The following XIRP2 variants were observed in gnomAD, a reference collection of about 807,000 sequenced individuals.
XIRP2 encodes xin actin-binding repeat-containing protein 2.
A neutral mutation model predicts 277.0 loss-of-function variants in XIRP2; 236 were observed. The ratio of observed to expected loss-of-function variants is 0.85; its 90% CI spans 0.77 to 0.95. The LOEUF is 0.95. Ranked by LOEUF, XIRP2 falls within the 40% of genes least tolerant of loss-of-function variation. XIRP2 has a pLI of 0.00. For synonymous variants in XIRP2, 1,490 were observed against 1,416.5 expected (o/e 1.05, Z -1.17); for missense variants, 4,640 against 4,157.5 (o/e 1.12, Z -3.19).
At chr2:167,088,268 C>A (rs1690023891) in intron 2 of XIRP2, among the ~76,000 whole-genome samples, 1 of 152,086 alleles carries the variant, frequency 6.6e-6, no homozygotes, top group Non-Finnish European at 1.5e-5. Flanking sequence ...AGTAATTTTT[C>A]ATTATCTTTT....
Position 167,065,503 on chromosome 2 carries a change from T to A in XIRP2, c.409-70406T>A, listed in dbSNP as rs151156299. Among the ~76,000 whole-genome samples, 694 of 151,484 alleles carry A rather than the reference T, an allele frequency of 4.6e-3. 6 individuals carry two copies. The highest frequency in any genetic ancestry group is 0.024 in the Middle Eastern group (7 of 294). On this transcript the variant is annotated intron_variant, in intron 2 of 10. Transcript: ENST00000409195. ...TGACTGTATCCTTTGAAACACAAACTTTTTTTTTATTCCAGTGTAGTCAAA... is the reference window on the plus strand; with the variant it reads ...TGACTGTATCCTTTGAAACACAAACATTTTTTTTATTCCAGTGTAGTCAAA...
chr2:166,940,497 G>T lies in XIRP2; in HGVS notation c.408+36607G>T, dbSNP rs376443090. 4.6e-5 allele frequency among the ~76,000 whole-genome samples: 7 copies of T among 152,310 alleles called. No individual in the cohort carries two copies. In the East Asian group the frequency reaches 1.2e-3, roughly 25 times the overall value. On this transcript the variant is annotated intron_variant, in intron 2 of 10. Transcript: ENST00000409195. Reference sequence around the variant, plus strand: ...TGTTCTGTTGCTGGCGAGGAGCTGTGTTCCTTTGGAGGTGGAGAGTCACTC... The same window carrying T: ...TGTTCTGTTGCTGGCGAGGAGCTGTTTTCCTTTGGAGGTGGAGAGTCACTC...
At chr2:167,068,560 C>A (rs942882601) in intron 2 of XIRP2, among the ~76,000 whole-genome samples, 10 of 151,896 alleles carry the variant, frequency 6.6e-5, no homozygotes, top group African/African-American at 2.4e-4. Flanking sequence ...ATAGTAAATA[C>A]CTTAGGCTTT....
At chr2:167,218,068 C>T in intron 4 of XIRP2, 98 bp from the exon 5 acceptor site, 1 of 1,034,702 alleles carries the variant, frequency 9.7e-7, no homozygotes, top group Non-Finnish European at 1.3e-6. Context: ...TTTTAAGATA[C>T]TGTCTATCAA....
intron 2 of XIRP2, among the ~76,000 whole-genome samples, chr2:166,980,709 T>C (rs552593914): frequency 6.6e-6 from 1 of 152,260 alleles, no homozygotes; most frequent in Non-Finnish European, 1.5e-5. Flanking sequence ...TGAGCCACCA[T>C]GCCCAGTCAC....
chr2:167,110,824 G>GT (rs1690731078), intron 2 of XIRP2, among the ~76,000 whole-genome samples: 1 of 151,960 alleles, frequency 6.6e-6, no homozygotes, highest in African/African-American at 2.4e-5. Flanking sequence ...TTTTCCATTT[G>GT]TTTGTATCAT....
At chr2:166,941,501 T>C (rs1685716512) in intron 2 of XIRP2, among the ~76,000 whole-genome samples, 1 of 152,170 alleles carries the variant, frequency 6.6e-6, no homozygotes, top group African/African-American at 2.4e-5. Context: ...AGTACCTCAG[T>C]TGGAAATACA....
chr2:167,057,461 A>G (rs576086362), intron 2 of XIRP2, among the ~76,000 whole-genome samples: 16 of 152,338 alleles, frequency 1.1e-4, no homozygotes, highest in African/African-American at 3.6e-4. Flanking sequence ...TGGCAGACAT[A>G]GAATGCTGAG....
chr2:167,203,701 G>C (rs115772710), intron 3 of XIRP2, among the ~76,000 whole-genome samples: 6,264 of 152,162 alleles, frequency 0.041, 145 homozygotes, highest in Non-Finnish European at 0.051. Context: ...ATGAGGATAA[G>C]AATATATAAA....
At chr2:167,130,453 C>T (rs1691340669) in intron 2 of XIRP2, among the ~76,000 whole-genome samples, 1 of 152,058 alleles carries the variant, frequency 6.6e-6, no homozygotes, top group African/African-American at 2.4e-5. Context: ...ATAACTTTCC[C>T]CCTACCCTAG....
chr2:166,955,604 T>C (rs1686141635), intron 2 of XIRP2, among the ~76,000 whole-genome samples: 1 of 151,880 alleles, frequency 6.6e-6, no homozygotes, highest in African/African-American at 2.4e-5. Flanking sequence ...CTTATATATT[T>C]AAAAATTATC....
intron 3 of XIRP2, among the ~76,000 whole-genome samples, chr2:167,196,412 T>TGAATTTTGTG (rs1553498347): frequency 7.1e-6 from 1 of 141,810 alleles, no homozygotes; most frequent in Non-Finnish European, 1.5e-5. Context: ...GTCAAGAATT[T>TGAATTTTGTG]TGTGTGTGTG....
intron 2 of XIRP2, among the ~76,000 whole-genome samples, chr2:167,026,653 G>A (rs1385643134): frequency 6.6e-6 from 1 of 152,098 alleles, no homozygotes. Flanking sequence ...AGGCCTGGTG[G>A]TGAGAAAATC....
intron 2 of XIRP2, among the ~76,000 whole-genome samples, chr2:167,041,038 A>G (rs569237603): frequency 6.6e-6 from 1 of 152,088 alleles, no homozygotes; most frequent in Admixed American, 6.6e-5. Flanking sequence ...CAGATCAGGA[A>G]CTCTCAGCCC....
intron 5 of XIRP2, among the ~76,000 whole-genome samples, chr2:167,228,646 C>T (rs1384758729): frequency 6.6e-6 from 1 of 152,056 alleles, no homozygotes; most frequent in African/African-American, 2.4e-5. Flanking sequence ...CCGTTTTTCT[C>T]AGGAAGTCAG....
chr2:167,254,103 G>A lies in XIRP2; in HGVS notation c.10627G>A (p.Gly3543Ser). The A allele has an allele frequency of 1.2e-6, 2 of 1,610,866 alleles. No individual in the cohort carries two copies. Among genetic ancestry groups the A allele is most frequent in the Non-Finnish European group, 1.7e-6 (2 of 1,178,266 alleles). Reference sequence around the variant, plus strand: ...CAGTTTATCCAATGGAGTGCCTAGTGGCAGACAAGCAGAATTTTCATAAGT... The same window carrying A: ...CAGTTTATCCAATGGAGTGCCTAGTAGCAGACAAGCAGAATTTTCATAAGT... ...KDSLSNGVPSGRQAEFS is the reference protein window; with the variant it reads ...KDSLSNGVPSSRQAEFS Residue 3543 changes from glycine to serine, a missense_variant, in exon 10 of 11, where the codon GGC (glycine) becomes AGC (serine). Gly to Ser is a moderately conservative substitution (Grantham distance 56). Transcript: ENST00000409195.
intron 2 of XIRP2, among the ~76,000 whole-genome samples, chr2:167,001,935 CAT>C (rs1476557735): frequency 6.6e-6 from 1 of 151,980 alleles, no homozygotes; most frequent in African/African-American, 2.4e-5. Context: ...TTTCAACAAA[CAT>C]AGGAAAAATT....
intron 3 of XIRP2, among the ~76,000 whole-genome samples, chr2:167,186,806 T>G (rs895198883): frequency 1.1e-4 from 14 of 127,624 alleles, no homozygotes; most frequent in African/African-American, 4.4e-4. Context: ...TTCTTCCTTG[T>G]TTTTTTTTTT....
At chr2:167,237,026 A>G (rs1694920150) in intron 5 of XIRP2, among the ~76,000 whole-genome samples, 1 of 152,172 alleles carries the variant, frequency 6.6e-6, no homozygotes, top group Non-Finnish European at 1.5e-5. Flanking sequence ...TACAGTAACT[A>G]GAGGGCAGTA....
Sources: allele counts gnomAD v4.1 joint callset (sites outside exome capture counted in the v4.1 genomes callset), GRCh38; gene constraint gnomAD v4.1.1; transcripts MANE v1.5; gene names NCBI Gene and HGNC (gene_info 2026-07-23, HGNC 2026-07-21).